CHSY3: variants seen among roughly 807,000 people sequenced by gnomAD.
The protein encoded by CHSY3 is chondroitin sulfate synthase 3, also known as N-acetylgalactosaminyl-proteoglycan 3-beta-glucuronosyltransferase 3.
A neutral mutation model predicts 67.2 loss-of-function variants in CHSY3; 35 were observed. The observed-to-expected ratio is 0.52, with a 90% CI of 0.40 to 0.69. CHSY3 has a LOEUF of 0.69. Ranked by LOEUF, CHSY3 falls within the 30% of genes least tolerant of loss-of-function variation. The pLI is 0.00. For synonymous variants in CHSY3, 474 were observed against 434.7 expected, an observed-to-expected ratio of 1.09 and a Z score of -1.12; for missense variants, 1,069 against 1,138.5, an observed-to-expected ratio of 0.94 and a Z score of 0.88.
chr5:130,082,070 T>G (rs998838915), intron 2 of CHSY3, among the ~76,000 whole-genome samples: 3 of 152,176 alleles, frequency 2.0e-5, no homozygotes, highest in Middle Eastern at 6.8e-3. Context: ...ATCCACAGAC[T>G]GGTGTGCACA....
Position 129,904,782 on chromosome 5 carries a change from T to A in CHSY3, c.-48T>A. ...GCGGGTGTGAGCCGGGGAAACCGCG[T>A]GCCGCGCCGCGACAGCCCAGCGAGC... On this transcript the variant is annotated 5_prime_UTR_variant, in exon 1 of 3. Coordinates refer to ENST00000305031, the MANE Select transcript of CHSY3 (RefSeq NM_175856.5). The A allele has an allele frequency of 1.5e-6, 2 of 1,311,580 alleles. No homozygotes were observed. The highest frequency in any genetic ancestry group is 1.9e-6 in the Non-Finnish European group (2 of 1,031,308). 81.2% of individuals were successfully genotyped at this position (1,311,580 alleles called of 1,614,324 possible). A position where few individuals can be genotyped will look rare whatever the true frequency, so the allele number is the denominator to read the frequency against.
intron 2 of CHSY3, among the ~76,000 whole-genome samples, chr5:130,016,080 C>T (rs1190094298): frequency 1.3e-5 from 2 of 152,158 alleles, no homozygotes. Flanking sequence ...CCTGAGCCTA[C>T]TTGAAGGTGG....
intron 2 of CHSY3, among the ~76,000 whole-genome samples, chr5:130,081,676 A>C (rs1238193941): frequency 1.3e-5 from 2 of 151,894 alleles, no homozygotes; most frequent in Non-Finnish European, 2.9e-5. Flanking sequence ...ATGAGATCTG[A>C]TGGTTTTATA....
intron 2 of CHSY3, among the ~76,000 whole-genome samples, chr5:130,133,771 T>TAAAAAAAAAAAAAAAAAAA (rs758023976): frequency 1.7e-5 from 1 of 58,120 alleles, no homozygotes; most frequent in African/African-American, 7.6e-5. Flanking sequence ...GACTCCGTCT[T>TAAAAAAAAAAAAAAAAAAA]AAAAAAAAAA....
chr5:129,994,676 A>C (rs546136642), intron 2 of CHSY3, among the ~76,000 whole-genome samples: 97 of 152,294 alleles, frequency 6.4e-4, no homozygotes, highest in Non-Finnish European at 1.2e-3. Flanking sequence ...GACTGGTTTA[A>C]GAAAATGTGG....
Position 129,904,637 on chromosome 5 carries a change from C to T in CHSY3, c.-193C>T, listed in dbSNP as rs1296366159. Reference sequence around the variant, plus strand: ...GCCCCGGCCCAGAGCTGAGCGGGAGCCCGGCAGGCAGCTGCAGCCCGCGGC... The same window carrying T: ...GCCCCGGCCCAGAGCTGAGCGGGAGTCCGGCAGGCAGCTGCAGCCCGCGGC... On this transcript the variant is annotated 5_prime_UTR_variant, in exon 1 of 3. Transcript: ENST00000305031. The T allele has an allele frequency of 2.2e-6, 2 of 893,272 alleles. No individual in the cohort carries two copies. The highest frequency in any genetic ancestry group is 2.9e-6 in the Non-Finnish European group (2 of 689,608). 55.3% of individuals were successfully genotyped at this position (893,272 alleles called of 1,614,324 possible). A position where few individuals can be genotyped will look rare whatever the true frequency, so the allele number is the denominator to read the frequency against.
chr5:130,131,933 C>T (rs1399199325), intron 2 of CHSY3, among the ~76,000 whole-genome samples: 2 of 152,048 alleles, frequency 1.3e-5, no homozygotes, highest in Non-Finnish European at 2.9e-5. Context: ...TAGAGAGTGC[C>T]TCCTTATCTT....
intron 2 of CHSY3, among the ~76,000 whole-genome samples, chr5:129,999,091 G>C (rs1763638609): frequency 6.7e-6 from 1 of 149,470 alleles, no homozygotes; most frequent in Non-Finnish European, 1.5e-5. Flanking sequence ...TATTTTTTTG[G>C]AAGAGTGAAA....
chr5:130,019,533 A>G (rs1764307034), intron 2 of CHSY3, among the ~76,000 whole-genome samples: 1 of 152,112 alleles, frequency 6.6e-6, no homozygotes, highest in African/African-American at 2.4e-5. Context: ...TCCTTAGTTC[A>G]AGTCTGTATC....
chr5:130,158,365 T>G (rs1769430591), intron 2 of CHSY3, among the ~76,000 whole-genome samples: 2 of 152,186 alleles, frequency 1.3e-5, no homozygotes, highest in Admixed American at 6.5e-5. Context: ...ACCATTGCAC[T>G]GCTCTGAATG....
At chr5:130,076,468 T>C (rs1161233487) in intron 2 of CHSY3, among the ~76,000 whole-genome samples, 1 of 152,026 alleles carries the variant, frequency 6.6e-6, no homozygotes, top group Non-Finnish European at 1.5e-5. Flanking sequence ...TTTTCCCATT[T>C]TGGTATCCTG....
At chr5:130,040,669 T>C (rs1409125260) in intron 2 of CHSY3, among the ~76,000 whole-genome samples, 1 of 152,068 alleles carries the variant, frequency 6.6e-6, no homozygotes, top group Non-Finnish European at 1.5e-5. Flanking sequence ...AATTTGAAAC[T>C]TCATGGGCAC....
chr5:129,982,237 C>T (rs1052599463), intron 2 of CHSY3, among the ~76,000 whole-genome samples: 1 of 151,526 alleles, frequency 6.6e-6, no homozygotes, highest in African/African-American at 2.4e-5. Context: ...GATTCTTGTC[C>T]TCACATCTTT....
intron 2 of CHSY3, among the ~76,000 whole-genome samples, chr5:129,920,286 G>A (rs1255595865): frequency 6.6e-6 from 1 of 152,094 alleles, no homozygotes; most frequent in Non-Finnish European, 1.5e-5. Flanking sequence ...CTCTGTCACC[G>A]AGGCTGTAGT....
intron 2 of CHSY3, among the ~76,000 whole-genome samples, chr5:129,948,239 A>G (rs1452950118): frequency 6.6e-6 from 1 of 152,136 alleles, no homozygotes; most frequent in Admixed American, 6.6e-5. Context: ...AGTTACATGA[A>G]TAATTTATTT....
chr5:129,958,820 G>C (rs1033227682), intron 2 of CHSY3, among the ~76,000 whole-genome samples: 6 of 152,130 alleles, frequency 3.9e-5, no homozygotes, highest in African/African-American at 1.4e-4. Flanking sequence ...GAATTAGCCA[G>C]TGTGCCTGGC....
At chr5:129,937,522 A>C (rs1248790118) in intron 2 of CHSY3, among the ~76,000 whole-genome samples, 1 of 152,108 alleles carries the variant, frequency 6.6e-6, no homozygotes, top group Non-Finnish European at 1.5e-5. Flanking sequence ...ACATTTTAAA[A>C]CACAATAATG....
At chr5:130,073,829 C>G (rs1000283528) in intron 2 of CHSY3, among the ~76,000 whole-genome samples, 6 of 152,108 alleles carry the variant, frequency 3.9e-5, no homozygotes. Flanking sequence ...TCATAACAGA[C>G]TTTAGTGACA....
At chr5:130,023,975 T>C (rs890791886) in intron 2 of CHSY3, among the ~76,000 whole-genome samples, 1 of 151,928 alleles carries the variant, frequency 6.6e-6, no homozygotes, top group Non-Finnish European at 1.5e-5. Context: ...GAACTACTTA[T>C]CACATTTTCC....
Sources: gnomAD v4.1 joint callset for allele counts (sites outside exome capture counted in the v4.1 genomes callset) on GRCh38, gnomAD v4.1.1 for gene constraint, MANE v1.5 for transcripts, NCBI Gene and HGNC (gene_info 2026-07-23, HGNC 2026-07-21) for gene names.